Variants in MED15 observed in about 807,000 individuals in gnomAD.
MED15 encodes mediator of RNA polymerase II transcription subunit 15.
MED15 carries 41 observed loss-of-function variants against 118.7 expected under a neutral mutation model. The observed-to-expected ratio is 0.35, with a 90% CI of 0.27 to 0.45. The LOEUF is 0.45. Among genes scored for constraint, MED15 ranks in the 20% least tolerant of loss-of-function variants. The pLI, the probability that MED15 is intolerant of heterozygous loss-of-function variation, is 1.00. For synonymous variants in MED15, 436 were observed against 413.9 expected, an observed-to-expected ratio of 1.05 and a Z score of -0.65; for missense variants, 740 against 1,025.5, an observed-to-expected ratio of 0.72 and a Z score of 3.80.
In MED15 at chr22:20,572,087, T is replaced by C. The variant is rs567251982; in HGVS notation, c.1153-3026T>C. On this transcript the variant is annotated intron_variant, in intron 8 of 17. Coordinates refer to ENST00000263205, the MANE Select transcript of MED15 (RefSeq NM_001003891.3). ...ATCTTGTTCTTGGACCTTGTAATAA[T>C]TTCCGATTTTTTGCTATTACCAGTG... Among the ~76,000 whole-genome samples, 91 of 152,346 alleles carry C rather than the reference T, an allele frequency of 6.0e-4. 1 individual carries two copies. The South Asian group carries it at 0.018, about 31-fold the overall frequency.
chr22:20,575,435 T>C (rs1269244954), intron 9 of MED15, among the ~76,000 whole-genome samples: 3 of 151,792 alleles, frequency 2.0e-5, no homozygotes, highest in African/African-American at 7.3e-5. Context: ...AATAAATATC[T>C]GGGTCTTTTC....
At chr22:20,552,822 A>C in intron 3 of MED15, 1 of 337,638 alleles carries the variant, frequency 3.0e-6, no homozygotes, top group Middle Eastern at 8.8e-4. Flanking sequence ...TTGTTTGCTC[A>C]GGGCTGAGCT....
At chr22:20,568,449 T>C in intron 7 of MED15, 72 bp from the exon 8 acceptor site, 1 of 1,564,790 alleles carries the variant, frequency 6.4e-7, no homozygotes, top group Non-Finnish European at 8.6e-7. Context: ...TTTCCTAAGC[T>C]TCCACAGGAA....
At chr22:20,530,623 C>T (rs6519408) in intron 1 of MED15, among the ~76,000 whole-genome samples, 51,947 of 151,698 alleles carry the variant, frequency 0.34, 10,665 homozygotes, top group African/African-American at 0.58. Flanking sequence ...AGAGGCCTCA[C>T]TGAGAGGGGA....
At chr22:20,544,560 G>C (rs1010919624) in intron 2 of MED15, among the ~76,000 whole-genome samples, 1 of 152,238 alleles carries the variant, frequency 6.6e-6, no homozygotes, top group South Asian at 2.1e-4. Flanking sequence ...CCAGCTACTC[G>C]GGAGGCTGAG....
At chr22:20,539,667 A>G (rs569045527) in intron 2 of MED15, among the ~76,000 whole-genome samples, 1 of 152,308 alleles carries the variant, frequency 6.6e-6, no homozygotes, top group Admixed American at 6.5e-5. Flanking sequence ...GATGTTTCCC[A>G]AAGCAACTGT....
In MED15 at chr22:20,582,642, C is replaced by T. The variant is rs374107513; in HGVS notation, c.1304C>T (p.Ser435Leu). ...VSQSSLPMLS[S>L]PSPGQQVQTP... ...CAGAGCAGCCTCCCCATGCTGTCCTCGCCGTCACCGGGCCAGCAGGTGCAG... is the reference window on the plus strand; with the variant it reads ...CAGAGCAGCCTCCCCATGCTGTCCTTGCCGTCACCGGGCCAGCAGGTGCAG... The change falls in exon 10 of 18, where the codon TCG becomes TTG. Residue 435 changes from serine (S) to leucine (L), a missense_variant. Ser to Leu is a moderately radical substitution (Grantham distance 145, BLOSUM62 -2). Coordinates refer to ENST00000263205, the MANE Select transcript of MED15 (RefSeq NM_001003891.3). 47 of 1,578,880 alleles carry T rather than the reference C, an allele frequency of 3.0e-5. No individual in the cohort carries two copies. The highest frequency in any genetic ancestry group is 1.6e-4 in the East Asian group (7 of 43,498).
chr22:20,585,898 C>T (rs925626813), intron 17 of MED15, 72 bp downstream of exon 17: 11 of 1,438,398 alleles, frequency 7.6e-6, no homozygotes, highest in Non-Finnish European at 1.1e-5. Context: ...CAGGCTTCCA[C>T]TGCAGCAGGG....
chr22:20,523,663 AT>A (rs914175107), intron 1 of MED15: 1 of 985,248 alleles, frequency 1.0e-6, no homozygotes, highest in African/African-American at 1.7e-5. Context: ...CTGGTGGTGA[AT>A]GGGACACTTT....
chr22:20,586,653 G>T lies in MED15; in HGVS notation c.2316G>T (p.Leu772Phe), dbSNP rs1192972880. The change falls in exon 18 of 18, where the codon TTG becomes TTT. Residue 772 changes from leucine to phenylalanine, a missense_variant. Leu to Phe is a conservative substitution (Grantham distance 22). This residue lies in a region of MED15 where 179 missense variants were observed against 259.0 expected (regional missense o/e 0.69). Coordinates refer to ENST00000263205, the MANE Select transcript of MED15 (RefSeq NM_001003891.3). Reference protein sequence around the residue: ...QLPDKHSVTALLNTWAQSVHQ... With the variant: ...QLPDKHSVTAFLNTWAQSVHQ... Reference sequence around the variant, plus strand: ...CGGACAAGCACTCGGTCACCGCCTTGCTCAACACCTGGGCCCAGAGCGTCC... The same window carrying T: ...CGGACAAGCACTCGGTCACCGCCTTTCTCAACACCTGGGCCCAGAGCGTCC... 3.1e-6 allele frequency: 5 copies of T among 1,612,872 alleles called. No homozygotes were observed. The highest frequency in any genetic ancestry group is 4.2e-6 in the Non-Finnish European group (5 of 1,179,988).
intron 1 of MED15, among the ~76,000 whole-genome samples, chr22:20,518,510 C>G (rs1260171988): frequency 1.3e-5 from 2 of 152,168 alleles, no homozygotes; most frequent in Non-Finnish European, 2.9e-5. Context: ...CCAGATGACC[C>G]CTGATGGTTA....
At chr22:20,508,755 C>T (rs1022504609) in intron 1 of MED15, among the ~76,000 whole-genome samples, 1 of 152,134 alleles carries the variant, frequency 6.6e-6, no homozygotes, top group Non-Finnish European at 1.5e-5. Flanking sequence ...TGTGGATCTT[C>T]AGTTACTTCA....
intron 8 of MED15, among the ~76,000 whole-genome samples, chr22:20,573,395 T>G (rs1041322236): frequency 1.1e-4 from 17 of 152,358 alleles, no homozygotes; most frequent in African/African-American, 3.4e-4. Flanking sequence ...ATTGTGGACA[T>G]GTATGTGGCA....
intron 1 of MED15, among the ~76,000 whole-genome samples, chr22:20,535,137 T>C (rs552600903): frequency 6.6e-6 from 1 of 152,202 alleles, no homozygotes; most frequent in African/African-American, 2.4e-5. Flanking sequence ...TTTGTATTTT[T>C]AGTGGAGACA....
intron 9 of MED15, 33 bp from the exon 10 acceptor site, chr22:20,582,578 G>A (rs1321055170): frequency 1.3e-6 from 2 of 1,536,480 alleles, no homozygotes; most frequent in East Asian, 4.9e-5. Flanking sequence ...GCGGGCGTGT[G>A]GCAGCGCGCC....
intron 2 of MED15, 132 bp downstream of exon 2, chr22:20,537,336 A>G (rs1460909667): frequency 1.1e-5 from 8 of 713,168 alleles, no homozygotes; most frequent in African/African-American, 1.8e-5. Context: ...GATCACAGGC[A>G]CAGTTGGTTT....
chr22:20,567,569 C>T (rs2056487179), intron 7 of MED15, among the ~76,000 whole-genome samples: 1 of 152,206 alleles, frequency 6.6e-6, no homozygotes, highest in Admixed American at 6.5e-5. Context: ...TATGCTCACT[C>T]ATCTGTCACC....
chr22:20,584,273 T>C lies in MED15; in HGVS notation c.1737-86T>C, dbSNP rs1601650614. 3.6e-6 allele frequency: 5 copies of C among 1,379,492 alleles called. No individual in the cohort carries two copies. In the South Asian group the frequency reaches 4.7e-5, roughly 13 times the overall value. 85.5% of individuals were successfully genotyped at this position (1,379,492 alleles called of 1,614,324 possible). A position where few individuals can be genotyped will look rare whatever the true frequency, so the allele number is the denominator to read the frequency against. ...AGCTCCTGCAGAGGTTTCTGATGGC[T>C]GAGGCCCAGTGGCAGTAGTTGGGAT... On this transcript the variant is annotated intron_variant, in intron 13 of 17. Transcript: ENST00000263205.
intron 3 of MED15, 28 bp from the exon 4 acceptor site, chr22:20,553,117 T>C (rs1437131558): frequency 6.3e-7 from 1 of 1,599,350 alleles, no homozygotes; most frequent in Admixed American, 1.7e-5. Context: ...ATGTTTACTT[T>C]CGTTTTTTTG....
Sources: allele counts gnomAD v4.1 joint callset (sites outside exome capture counted in the v4.1 genomes callset), GRCh38; gene constraint gnomAD v4.1.1; regional missense constraint gnomAD v4.1.1; transcripts MANE v1.5; gene names NCBI Gene and HGNC (gene_info 2026-07-23, HGNC 2026-07-21).